The following IRS2 variants were observed in gnomAD, a reference collection of about 807,000 sequenced individuals.
IRS2 encodes the protein insulin receptor substrate 2.
A neutral mutation model predicts 70.9 loss-of-function variants in IRS2; 28 were observed. The observed-to-expected ratio is 0.39, with a 90% confidence interval of 0.29 to 0.54. The LOEUF is 0.54. Among genes scored for constraint, IRS2 ranks in the 20% least tolerant of loss-of-function variants. The pLI, the probability that IRS2 is intolerant of heterozygous loss-of-function variation, is 0.59. For synonymous variants in IRS2, 1,217 were observed against 981.9 expected (o/e 1.24, Z -4.48); for missense variants, 2,081 against 2,024.1 (o/e 1.03, Z -0.54).
Position 109,782,268 on chromosome 13 carries a change from G to T in IRS2, c.3786C>A (p.Pro1262=), listed in dbSNP as rs770451249. The change falls in exon 1 of 2, where the codon CCC becomes CCA. Residue 1262 remains proline (P), a synonymous_variant. Transcript: ENST00000375856. ...GCGGCTGCGGCTGGGGTGGCAGCCC[G>T]GGCTCCTCCCTCACGTCGATGGCGA... ...NYIAIDVREE[P]GLPPQPQPPP... The T allele has an allele frequency of 6.2e-7, 1 of 1,608,886 alleles. No homozygotes were observed. The highest frequency in any genetic ancestry group is 8.5e-7 in the Non-Finnish European group (1 of 1,178,536).
Position 109,785,884 on chromosome 13 carries a change from C to G in IRS2, c.170G>C (p.Gly57Ala), listed in dbSNP as rs1248043947. The change falls in exon 1 of 2, where the codon GGC becomes GCC. Residue 57 changes from glycine to alanine, a missense_variant. Gly to Ala is a moderately conservative substitution (Grantham distance 60). Transcript: ENST00000375856. The surrounding 1 kb of genome is among the most constrained non-coding windows in gnomAD (Gnocchi z 9.3). ...CCCCCCGCCCGCCGTCGCCTCGTCG[C>G]CGCCCGCGCCGGGTCCGCGCAGCAC... ...FFVLRGPGAG[G>A]DEATAGGGSA... 6.0e-6 allele frequency: 9 copies of G among 1,499,018 alleles called. No homozygotes were observed. In the East Asian group the frequency reaches 2.3e-4, roughly 39 times the overall value. 92.9% of individuals were successfully genotyped at this position (1,499,018 alleles called of 1,614,324 possible).
Position 109,755,544 on chromosome 13 carries a change from C to T in IRS2, c.*760G>A, listed in dbSNP as rs1041143697. On this transcript the variant is annotated 3_prime_UTR_variant, in exon 2 of 2. Coordinates refer to ENST00000375856, the MANE Select transcript of IRS2 (RefSeq NM_003749.3). Reference sequence around the variant, plus strand: ...CCCAAAGCCCTTCCCTCCCACCTCCCACTACCCAATACAGTTGATTTTCAA... The same window carrying T: ...CCCAAAGCCCTTCCCTCCCACCTCCTACTACCCAATACAGTTGATTTTCAA... 3.3e-5 allele frequency: 7 copies of T among 210,096 alleles called. No homozygotes were observed. The highest frequency in any genetic ancestry group is 6.8e-5 in the Non-Finnish European group (7 of 103,340). 13.0% of individuals were successfully genotyped at this position (210,096 alleles called of 1,614,324 possible).
At chr13:109,760,655 G>A (rs1170170202) in intron 1 of IRS2, among the ~76,000 whole-genome samples, 2 of 152,136 alleles carry the variant, frequency 1.3e-5, no homozygotes, top group Non-Finnish European at 2.9e-5. Context: ...CCTGCAGATG[G>A]GCAATAATTC....
chr13:109,763,976 A>G (rs1381350905), intron 1 of IRS2, among the ~76,000 whole-genome samples: 1 of 152,206 alleles, frequency 6.6e-6, no homozygotes, highest in Non-Finnish European at 1.5e-5. Context: ...TATGTGATAT[A>G]GGATTTCAGC....
At chr13:109,776,482 A>G (rs942244011) in intron 1 of IRS2, among the ~76,000 whole-genome samples, 3 of 152,232 alleles carry the variant, frequency 2.0e-5, no homozygotes, top group African/African-American at 7.2e-5. Flanking sequence ...TCATTTGTAA[A>G]CATGTAACCC....
At position 109,782,380 on chromosome 13, in the gene IRS2, G is replaced by A; in HGVS notation, c.3674C>T (p.Pro1225Leu). 6.2e-7 allele frequency: 1 copy of A among 1,610,782 alleles called. No homozygotes were observed. Among genetic ancestry groups the A allele is most frequent in the Non-Finnish European group, 8.5e-7 (1 of 1,178,962 alleles). ...PQGRPWTPGQ[P>L]GGLVGCPGSG... ...CCCAGGACAACCGACCAAGCCCCCGGGCTGACCCGGGGTCCACGGCCGGCC... is the reference window on the plus strand; with the variant it reads ...CCCAGGACAACCGACCAAGCCCCCGAGCTGACCCGGGGTCCACGGCCGGCC... The change falls in exon 1 of 2, where the codon CCC (proline) becomes CTC (leucine). Residue 1225 changes from proline (P) to leucine (L), a missense_variant. Physicochemically the swap from Pro to Leu is moderately conservative, Grantham distance 98. Around this residue, in one of 4 missense-constraint regions of IRS2, gnomAD observed 1,615 missense variants for 1,459.5 expected, o/e 1.11. Coordinates refer to ENST00000375856, the MANE Select transcript of IRS2 (RefSeq NM_003749.3).
intron 1 of IRS2, among the ~76,000 whole-genome samples, chr13:109,770,850 C>T (rs549816803): frequency 3.7e-4 from 57 of 152,304 alleles, no homozygotes; most frequent in South Asian, 2.5e-3. Context: ...CTGTGTTCTG[C>T]GTTTTGGAAA....
rs1438789170 is a variant in IRS2 at position 109,785,849 on chromosome 13, G to T, written c.205C>A (p.Gln69Lys). 6.6e-7 allele frequency: 1 copy of T among 1,524,144 alleles called. No individual in the cohort carries two copies. The highest frequency in any genetic ancestry group is 8.8e-7 in the Non-Finnish European group (1 of 1,141,062). The allele number at this position is 1,524,144 out of a possible 1,614,324, so 94.4% of individuals were successfully genotyped here. The change falls in exon 1 of 2, where the codon CAA becomes AAA. Residue 69 changes from glutamine (Q) to lysine (K), a missense_variant. Physicochemically the swap from Gln to Lys is moderately conservative, Grantham distance 53 (BLOSUM62 1). Coordinates refer to ENST00000375856, the MANE Select transcript of IRS2 (RefSeq NM_003749.3). This position sits in a 1 kb window ranked among gnomAD's most constrained non-coding sequence, Gnocchi z 9.3. ...EATAGGGSAP[Q>K]PPRLEYYESE... ...TCGTAGTACTCGAGCCGCGGCGGTT[G>T]CGGCGCCGACCCCCCGCCCGCCGTC...
chr13:109,774,920 A>G (rs908450140), intron 1 of IRS2, among the ~76,000 whole-genome samples: 6 of 152,286 alleles, frequency 3.9e-5, no homozygotes, highest in Admixed American at 3.9e-4. Context: ...GTACATCGTC[A>G]TTGCATTCAA....
At chr13:109,761,362 T>G (rs755684785) in intron 1 of IRS2, among the ~76,000 whole-genome samples, 1 of 152,212 alleles carries the variant, frequency 6.6e-6, no homozygotes, top group Non-Finnish European at 1.5e-5. Flanking sequence ...TTCTTAAAAT[T>G]AAAATTTGTA....
In IRS2 at chr13:109,782,234, G is replaced by T. The variant is rs1877725074; in HGVS notation, c.3820C>A (p.Pro1274Thr). ...LPPQPQPPPP[P>T]LPQPGDKSSW... ...CTCTTGTCTCCCGGCTGAGGAAGCGGCGGCGGCGGCGGCTGCGGCTGGGGT... is the reference window on the plus strand; with the variant it reads ...CTCTTGTCTCCCGGCTGAGGAAGCGTCGGCGGCGGCGGCTGCGGCTGGGGT... Residue 1274 changes from proline (P) to threonine (T), a missense_variant, in exon 1 of 2, where the codon CCG becomes ACG. Around this residue, in one of 4 missense-constraint regions of IRS2, gnomAD observed 1,615 missense variants for 1,459.5 expected, o/e 1.11. Transcript: ENST00000375856. 1.2e-6 allele frequency: 2 copies of T among 1,606,534 alleles called. No homozygotes were observed. Among genetic ancestry groups the T allele is most frequent in the Non-Finnish European group, 1.7e-6 (2 of 1,176,960 alleles).
chr13:109,782,632 T>A lies in IRS2; in HGVS notation c.3422A>T (p.Gln1141Leu). The A allele has an allele frequency of 1.9e-6, 3 of 1,570,424 alleles. No homozygotes were observed. The highest frequency in any genetic ancestry group is 1.7e-6 in the Non-Finnish European group (2 of 1,160,400). Reference protein sequence around the residue: ...RGAKVIRADPQGGRRRHSSET... With the variant: ...RGAKVIRADPLGGRRRHSSET... ...GGAACTGTGGCGGCGGCGGCCCCCC[T>A]GCGGGTCTGCGCGGATGACCTTGGC... is the stretch of plus-strand genomic sequence containing the variant. Residue 1141 changes from glutamine (Q) to leucine (L), a missense_variant, in exon 1 of 2, where the codon CAG becomes CTG. By Grantham distance (113) the Gln-to-Leu change is moderately radical. Transcript: ENST00000375856.
rs1386580049 is a variant in IRS2 at position 109,783,825 on chromosome 13, C to T, written c.2229G>A (p.Met743Ile). The T allele has an allele frequency of 1.9e-6, 3 of 1,588,942 alleles. No homozygotes were observed. Among genetic ancestry groups the T allele is most frequent in the Non-Finnish European group, 2.6e-6 (3 of 1,168,074 alleles). ...ACAGCTTGGAACCGCACCACATGCG[C>T]ATGTACCCACTGTCCTCGGGGGAGC... ...AESSPEDSGY[M>I]RMWCGSKLSM... is the part of the protein sequence containing the mutation. The change falls in exon 1 of 2, where the codon ATG becomes ATA. Residue 743 changes from methionine to isoleucine, a missense_variant. Around this residue, in one of 4 missense-constraint regions of IRS2, gnomAD observed 1,615 missense variants for 1,459.5 expected, o/e 1.11. Transcript: ENST00000375856.
chr13:109,770,312 T>C (rs1046036005), intron 1 of IRS2, among the ~76,000 whole-genome samples: 4 of 152,138 alleles, frequency 2.6e-5, no homozygotes, highest in African/African-American at 9.7e-5. Flanking sequence ...AATGGGGAAG[T>C]TTCTGGAATA....
Position 109,784,413 on chromosome 13 carries a change from C to T in IRS2, c.1641G>A (p.Arg547=), listed in dbSNP as rs1295509494. ...GEFYGYMTMD[R]PLSHCGRSYR... Reference sequence around the variant, plus strand: ...AGGAGCGGCCACAGTGGCTCAGGGGCCTGTCCATGGTCATGTACCCGTAGA... The same window carrying T: ...AGGAGCGGCCACAGTGGCTCAGGGGTCTGTCCATGGTCATGTACCCGTAGA... Residue 547 remains arginine, a synonymous_variant, in exon 1 of 2, where the codon AGG becomes AGA. Coordinates refer to ENST00000375856, the MANE Select transcript of IRS2 (RefSeq NM_003749.3). This position sits in a 1 kb window ranked among gnomAD's most constrained non-coding sequence, Gnocchi z 5.2. 4 of 1,610,234 alleles carry T rather than the reference C, an allele frequency of 2.5e-6. No homozygotes were observed. Among genetic ancestry groups the T allele is most frequent in the Middle Eastern group, 1.7e-4 (1 of 6,056 alleles).
Position 109,784,034 on chromosome 13 carries a change from C to T in IRS2, c.2020G>A (p.Asp674Asn), listed in dbSNP as rs960832736. 6.5e-7 allele frequency: 1 copy of T among 1,540,882 alleles called. No homozygotes were observed. ...CTGGCGGGGCTCATGGGCATGTAGT[C>T]GTCGCTCCTGCAGCTGCCGCTCCCA... is the stretch of plus-strand genomic sequence containing the variant. ...GSGSGSCRSD[D>N]YMPMSPASVS... is the part of the protein sequence containing the mutation. Residue 674 changes from aspartate (D) to asparagine (N), a missense_variant, in exon 1 of 2, where the codon GAC (aspartate) becomes AAC (asparagine). By Grantham distance (23) the Asp-to-Asn change is conservative. Around this residue, in one of 4 missense-constraint regions of IRS2, gnomAD observed 1,615 missense variants for 1,459.5 expected, o/e 1.11. Transcript: ENST00000375856. This position sits in a 1 kb window ranked among gnomAD's most constrained non-coding sequence, Gnocchi z 5.2.
At chr13:109,765,376 G>A (rs1877312667) in intron 1 of IRS2, among the ~76,000 whole-genome samples, 1 of 152,126 alleles carries the variant, frequency 6.6e-6, no homozygotes, top group Non-Finnish European at 1.5e-5. Flanking sequence ...GGAGACAGAG[G>A]AAATCCACAT....
chr13:109,778,616 T>C (rs1454371988), intron 1 of IRS2, among the ~76,000 whole-genome samples: 1 of 152,232 alleles, frequency 6.6e-6, no homozygotes, highest in South Asian at 2.1e-4. Flanking sequence ...GCTTTACGAC[T>C]TCAAAAGGCA....
In IRS2 at chr13:109,786,025, G is replaced by T; in HGVS notation, c.29C>A (p.Pro10His). 1 of 1,367,340 alleles carries T rather than the reference G, an allele frequency of 7.3e-7. No homozygotes were observed. The allele number at this position is 1,367,340 out of a possible 1,614,324, so 84.7% of individuals were successfully genotyped here. A position where few individuals can be genotyped will look rare whatever the true frequency, so the allele number is the denominator to read the frequency against. MASPPRHGP[P>H]GPASGDGPNL... ...GGGGCCGTCTCCGCTCGCCGGCCCG[G>T]GCGGCCCGTGCCGCGGCGGGCTCGC... Residue 10 changes from proline to histidine, a missense_variant, in exon 1 of 2, where the codon CCC becomes CAC. Pro to His is a moderately conservative substitution (Grantham distance 77). Coordinates refer to ENST00000375856, the MANE Select transcript of IRS2 (RefSeq NM_003749.3). This position sits in a 1 kb window ranked among gnomAD's most constrained non-coding sequence, Gnocchi z 4.4.
Sources: gnomAD v4.1 joint callset for allele counts (sites outside exome capture counted in the v4.1 genomes callset) on GRCh38, gnomAD v4.1.1 for gene constraint, gnomAD v4.1.1 regional missense constraint, Gnocchi (gnomAD v3.1) non-coding constraint, MANE v1.5 for transcripts, NCBI Gene and HGNC (gene_info 2026-07-23, HGNC 2026-07-21) for gene names.